Variants in DLGAP5 observed in about 807,000 individuals in gnomAD.
DLGAP5 encodes disks large-associated protein 5.
A neutral mutation model predicts 99.6 loss-of-function variants in DLGAP5; 90 were observed. That is an observed-to-expected ratio of 0.90 (90% confidence interval 0.76 to 1.08). DLGAP5 has a LOEUF of 1.08. Ranked by LOEUF, DLGAP5 falls within the 50% of genes least tolerant of loss-of-function variation. DLGAP5 has a pLI of 0.00. For synonymous variants in DLGAP5, 311 were observed against 321.3 expected (o/e 0.97, Z 0.34); for missense variants, 1,036 against 983.5 (o/e 1.05, Z -0.71).
Position 55,158,501 on chromosome 14 carries a change from A to C in DLGAP5, c.1873+21T>G, listed in dbSNP as rs546157515. The C allele has an allele frequency of 1.0e-5, 16 of 1,597,766 alleles. No homozygotes were observed. The South Asian group carries it at 1.7e-4, about 17-fold the overall frequency. ...TAGTCTCAGGAAAAACAAAAAAAAT[A>C]AAAAATCAAAAACAACTAACCTGAG... On this transcript the variant is annotated intron_variant, in intron 14 of 18. Coordinates refer to ENST00000247191, the MANE Select transcript of DLGAP5 (RefSeq NM_014750.5).
chr14:55,169,720 T>C (rs6650507), intron 11 of DLGAP5, among the ~76,000 whole-genome samples, 161 bp from the exon 12 acceptor site: 10,398 of 152,188 alleles, frequency 0.068, 919 homozygotes, highest in African/African-American at 0.2. Flanking sequence ...AAATACTGAG[T>C]ACTAACTATT....
chr14:55,186,988 A>C (rs1403067611), intron 2 of DLGAP5, among the ~76,000 whole-genome samples: 1 of 151,742 alleles, frequency 6.6e-6, no homozygotes, highest in East Asian at 2.0e-4. Flanking sequence ...GGCTCACTGC[A>C]ACCTCCACCT....
intron 7 of DLGAP5, among the ~76,000 whole-genome samples, chr14:55,177,626 C>T (rs1301349196): frequency 2.6e-5 from 4 of 151,862 alleles, no homozygotes; most frequent in Non-Finnish European, 5.9e-5. Context: ...CAAGCTCCGC[C>T]TCCCGGGTTC....
At chr14:55,179,762 C>G in intron 6 of DLGAP5, 63 bp from the exon 7 acceptor site, 1 of 1,357,112 alleles carries the variant, frequency 7.4e-7, no homozygotes, top group Admixed American at 2.0e-5. Flanking sequence ...TACTAGGTAA[C>G]TTGGGAAAGG....
chr14:55,184,785 A>G (rs1883380269), intron 2 of DLGAP5, among the ~76,000 whole-genome samples: 1 of 152,176 alleles, frequency 6.6e-6, no homozygotes, highest in African/African-American at 2.4e-5. Context: ...GTCATCTTGG[A>G]GGCAGATCCT....
chr14:55,149,259 T>C (rs2140301205), intron 18 of DLGAP5, among the ~76,000 whole-genome samples: 1 of 152,356 alleles, frequency 6.6e-6, no homozygotes, highest in African/African-American at 2.4e-5. Context: ...CATTCAGGGT[T>C]CGATCTGGGA....
intron 13 of DLGAP5, among the ~76,000 whole-genome samples, chr14:55,160,963 A>G (rs1002709111): frequency 2.5e-5 from 3 of 120,570 alleles, no homozygotes; most frequent in African/African-American, 1.4e-4. Flanking sequence ...TAAAGGGAGA[A>G]GCAGACACCA....
chr14:55,172,768 G>A (rs113065061), intron 10 of DLGAP5, among the ~76,000 whole-genome samples: 8,780 of 152,116 alleles, frequency 0.058, 320 homozygotes, highest in South Asian at 0.09. Flanking sequence ...CGGATCACAA[G>A]GTCAGGAGTT....
Position 55,158,729 on chromosome 14 carries a change from A to C in DLGAP5, c.1666T>G (p.Ser556Ala). ...NKNVFRKKVV[S>A]GIASKPKQDD... Reference sequence around the variant, plus strand: ...TGTTTTGGTTTACTTGCTATACCTGAGACAACTTTTTTCTGCAAAGAGAAA... The same window carrying C: ...TGTTTTGGTTTACTTGCTATACCTGCGACAACTTTTTTCTGCAAAGAGAAA... Residue 556 changes from serine (S) to alanine (A), a missense_variant, in exon 14 of 19, where the codon TCA becomes GCA. By Grantham distance (99) the Ser-to-Ala change is moderately conservative. Transcript: ENST00000247191. The C allele has an allele frequency of 6.2e-7, 1 of 1,613,110 alleles. No homozygotes were observed. The highest frequency in any genetic ancestry group is 8.5e-7 in the Non-Finnish European group (1 of 1,179,350).
Position 55,175,407 on chromosome 14 carries a change from G to T in DLGAP5, c.1240C>A (p.Pro414Thr), listed in dbSNP as rs1448109548. ...NLNGLPIKEV[P>T]SLERNEGRIA... is the part of the protein sequence containing the mutation. ...CGACCTTCATTTCTTTCAAGTGATG[G>T]GACTTCTTTTATTGGAAGGCCATTT... Residue 414 changes from proline (P) to threonine (T), a missense_variant, in exon 10 of 19, where the codon CCA becomes ACA. Physicochemically the swap from Pro to Thr is conservative, Grantham distance 38. Transcript: ENST00000247191. 6.3e-7 allele frequency: 1 copy of T among 1,595,946 alleles called. No individual in the cohort carries two copies. Among genetic ancestry groups the T allele is most frequent in the Non-Finnish European group, 8.6e-7 (1 of 1,167,562 alleles).
At chr14:55,190,988 T>A (rs1253257088) in intron 1 of DLGAP5, 1 of 152,090 alleles carries the variant, frequency 6.6e-6, no homozygotes, top group East Asian at 1.9e-4. Context: ...ACAGATGAGG[T>A]CAATTAACTG....
intron 18 of DLGAP5, among the ~76,000 whole-genome samples, chr14:55,150,161 A>G (rs1324230694): frequency 1.3e-5 from 2 of 152,216 alleles, no homozygotes; most frequent in Non-Finnish European, 2.9e-5. Context: ...TATCAAAGGT[A>G]TGAATCAGAC....
At chr14:55,179,982 G>A (rs1336844406) in intron 6 of DLGAP5, among the ~76,000 whole-genome samples, 2 of 151,738 alleles carry the variant, frequency 1.3e-5, no homozygotes, top group African/African-American at 4.8e-5. Context: ...CCAGATTTTG[G>A]AATATTTACA....
At chr14:55,173,169 T>A (rs1882920741) in intron 10 of DLGAP5, among the ~76,000 whole-genome samples, 1 of 150,032 alleles carries the variant, frequency 6.7e-6, no homozygotes. Context: ...ACATAGTGGC[T>A]CATGCCTGTA....
intron 2 of DLGAP5, among the ~76,000 whole-genome samples, chr14:55,185,326 A>C (rs1397275255): frequency 6.6e-6 from 1 of 152,088 alleles, no homozygotes; most frequent in Non-Finnish European, 1.5e-5. Context: ...CAGCCTCCCG[A>C]GTAGCTGGGA....
At chr14:55,159,042 C>T (rs901261908) in intron 13 of DLGAP5, among the ~76,000 whole-genome samples, 45 of 136,664 alleles carry the variant, frequency 3.3e-4, no homozygotes, top group Admixed American at 5.7e-4. Context: ...ATAACCATGA[C>T]ACCCCCCCCC....
intron 13 of DLGAP5, among the ~76,000 whole-genome samples, chr14:55,161,372 G>GGGTCC (rs1172398994): frequency 6.6e-6 from 1 of 151,230 alleles, no homozygotes; most frequent in Non-Finnish European, 1.5e-5. Context: ...ACTGTCCTCA[G>GGGTCC]GGTCCTTGTC....
rs1478392271 is a variant in DLGAP5, at chr14:55,162,989, C to T, written c.1635G>A (p.Met545Ile). The change falls in exon 13 of 19, where the codon ATG becomes ATA. Residue 545 changes from methionine (M) to isoleucine (I), a missense_variant. Met to Ile is a conservative substitution (Grantham distance 10). Coordinates refer to ENST00000247191, the MANE Select transcript of DLGAP5 (RefSeq NM_014750.5). ...WQVNNNMNHN[M>I]NKNVFRKKVV... ...AACTTACCCTAAAGACATTTTTGTT[C>T]ATATTATGATTCATATTATTATTGA... 12 of 1,573,390 alleles carry T rather than the reference C, an allele frequency of 7.6e-6. No homozygotes were observed. The highest frequency in any genetic ancestry group is 2.7e-5 in the African/African-American group (2 of 73,150).
chr14:55,162,639 A>G (rs1882487890), intron 13 of DLGAP5, among the ~76,000 whole-genome samples: 1 of 151,722 alleles, frequency 6.6e-6, no homozygotes, highest in African/African-American at 2.4e-5. Flanking sequence ...AAAGAAGAAG[A>G]AGAATAAAAC....
Sources: allele counts gnomAD v4.1 joint callset (sites outside exome capture counted in the v4.1 genomes callset), GRCh38; gene constraint gnomAD v4.1.1; transcripts MANE v1.5; gene names NCBI Gene and HGNC (gene_info 2026-07-23, HGNC 2026-07-21).